Variants in PDE4D observed in about 807,000 individuals in gnomAD.
PDE4D encodes the protein 3',5'-cyclic-AMP phosphodiesterase 4D.
Under a neutral mutation model 87.4 loss-of-function variants are expected in PDE4D, and 24 were observed. The ratio of observed to expected loss-of-function variants is 0.27; its 90% CI spans 0.20 to 0.39. PDE4D has a LOEUF of 0.39. Ranked by LOEUF, PDE4D falls within the 10% of genes least tolerant of loss-of-function variation. PDE4D has a pLI of 1.00. For missense variants in PDE4D, 714 were observed against 1,041.0 expected (o/e 0.69, Z 4.32); for synonymous variants, 384 against 383.2 (o/e 1.00, Z -0.02).
intron 1 of PDE4D, among the ~76,000 whole-genome samples, chr5:60,392,246 C>A (rs1204440963): frequency 6.6e-6 from 1 of 152,190 alleles, no homozygotes; most frequent in Non-Finnish European, 1.5e-5. Context: ...TTATCACTTG[C>A]AAGTTTGAAC....
intron 1 of PDE4D, among the ~76,000 whole-genome samples, chr5:59,613,744 C>T (rs1049139661): frequency 6.6e-6 from 1 of 152,098 alleles, no homozygotes; most frequent in Non-Finnish European, 1.5e-5. Flanking sequence ...CATGCCTTGA[C>T]TTACACATAG....
chr5:60,157,712 G>A (rs899347787), intron 2 of PDE4D, among the ~76,000 whole-genome samples: 7 of 152,094 alleles, frequency 4.6e-5, no homozygotes, highest in African/African-American at 1.4e-4. Context: ...TAGATTTCAT[G>A]GTCTTTCTTC....
intron 1 of PDE4D, among the ~76,000 whole-genome samples, chr5:59,846,222 A>G (rs1238633421): frequency 1.3e-5 from 2 of 152,072 alleles, no homozygotes; most frequent in Admixed American, 1.3e-4. Context: ...CACACTGAAA[A>G]GGTTAGCATT....
intron 1 of PDE4D, among the ~76,000 whole-genome samples, chr5:59,249,853 G>T (rs534349318): frequency 1.3e-5 from 2 of 152,080 alleles, no homozygotes; most frequent in African/African-American, 4.8e-5. Context: ...TATTGTGTGT[G>T]TGTGTATATG....
intron 1 of PDE4D, among the ~76,000 whole-genome samples, chr5:59,693,924 T>C (rs535140313): frequency 6.6e-6 from 1 of 152,188 alleles, no homozygotes; most frequent in East Asian, 1.9e-4. Flanking sequence ...AGAGAAAATA[T>C]TATGAAAATA....
intron 5 of PDE4D, among the ~76,000 whole-genome samples, chr5:59,113,049 C>T (rs973805726): frequency 1.3e-5 from 2 of 152,040 alleles, no homozygotes; most frequent in African/African-American, 2.4e-5. Flanking sequence ...GATCCAACCG[C>T]CTTGGCCTCC....
At chr5:59,199,088 T>G (rs1746139425) in intron 2 of PDE4D, among the ~76,000 whole-genome samples, 1 of 152,178 alleles carries the variant, frequency 6.6e-6, no homozygotes, top group Non-Finnish European at 1.5e-5. Context: ...AAGAAAGTTT[T>G]TACTTTATGG....
chr5:59,341,598 G>A (rs1347645802), intron 1 of PDE4D, among the ~76,000 whole-genome samples: 2 of 152,016 alleles, frequency 1.3e-5, no homozygotes, highest in East Asian at 1.9e-4. Context: ...CAATTTTCTT[G>A]GCAAAGGTAT....
At chr5:59,360,962 TAA>T (rs1240517981) in intron 1 of PDE4D, among the ~76,000 whole-genome samples, 7 of 152,280 alleles carry the variant, frequency 4.6e-5, no homozygotes, top group African/African-American at 1.4e-4. Context: ...AAACAATCAA[TAA>T]GAGGCATGCT....
intron 2 of PDE4D, among the ~76,000 whole-genome samples, chr5:60,146,458 A>C (rs553370184): frequency 9.1e-4 from 139 of 152,352 alleles, no homozygotes; most frequent in Non-Finnish European, 1.6e-3. Flanking sequence ...TATCAAGACC[A>C]GCTCATTGGA....
intron 2 of PDE4D, among the ~76,000 whole-genome samples, chr5:60,168,658 T>C (rs964199183): frequency 4.6e-5 from 7 of 152,212 alleles, no homozygotes; most frequent in Non-Finnish European, 1.0e-4. Context: ...CATCCTCTTG[T>C]GTACTTTAAA....
rs568175408 is a variant in PDE4D at position 59,448,283 on chromosome 5, A to G, written c.456-232315T>C. On this transcript the variant is annotated intron_variant, in intron 1 of 14. Coordinates refer to ENST00000340635, the MANE Select transcript of PDE4D (RefSeq NM_001104631.2). Reference sequence around the variant, plus strand: ...GGGACTCTCCATGCCATGCCCCAATATTCCCTCAACCACACTGATGAGGAG... The same window carrying G: ...GGGACTCTCCATGCCATGCCCCAATGTTCCCTCAACCACACTGATGAGGAG... Among the ~76,000 whole-genome samples, 71 of 152,264 alleles carry G rather than the reference A, an allele frequency of 4.7e-4. No individual in the cohort carries two copies. The Middle Eastern group carries it at 0.01, about 22-fold the overall frequency.
chr5:59,545,894 G>A (rs1031974034), intron 1 of PDE4D, among the ~76,000 whole-genome samples: 1 of 152,174 alleles, frequency 6.6e-6, no homozygotes, highest in African/African-American at 2.4e-5. Flanking sequence ...CACAAAACCT[G>A]AGGATTTTAC....
chr5:60,403,978 A>C (rs1741307164), intron 1 of PDE4D, among the ~76,000 whole-genome samples: 1 of 152,218 alleles, frequency 6.6e-6, no homozygotes, highest in African/African-American at 2.4e-5. Context: ...AACAAATGCC[A>C]ATATTTTATA....
intron 1 of PDE4D, among the ~76,000 whole-genome samples, chr5:59,574,084 TTA>T (rs1172030033): frequency 1.5e-4 from 17 of 109,774 alleles, no homozygotes; most frequent in Admixed American, 3.1e-4. Context: ...ATATATATAT[TTA>T]TATATATAAA....
intron 1 of PDE4D, among the ~76,000 whole-genome samples, chr5:59,745,769 A>G (rs188673238): frequency 6.2e-4 from 94 of 152,292 alleles, no homozygotes; most frequent in African/African-American, 9.4e-4. Context: ...AAGAAAGAAA[A>G]AAATGTTTGC....
chr5:60,246,433 T>A (rs1042404895), intron 1 of PDE4D, among the ~76,000 whole-genome samples: 5 of 151,762 alleles, frequency 3.3e-5, no homozygotes, highest in African/African-American at 1.2e-4. Flanking sequence ...ATATATTGAA[T>A]CTTATGCTCT....
At chr5:59,188,622 T>G (rs1348950796) in intron 3 of PDE4D, among the ~76,000 whole-genome samples, 1 of 152,136 alleles carries the variant, frequency 6.6e-6, no homozygotes, top group Non-Finnish European at 1.5e-5. Context: ...TACCACTAGA[T>G]GGCGGTAAAA....
chr5:59,889,663 G>A (rs981366243), intron 1 of PDE4D, among the ~76,000 whole-genome samples: 83 of 152,150 alleles, frequency 5.5e-4, no homozygotes, highest in African/African-American at 2.0e-3. Flanking sequence ...ATATTTTGTT[G>A]TGTAAAGTCA....
Sources: gnomAD v4.1 joint callset for allele counts (sites outside exome capture counted in the v4.1 genomes callset) on GRCh38, gnomAD v4.1.1 for gene constraint, MANE v1.5 for transcripts, NCBI Gene and HGNC (gene_info 2026-07-23, HGNC 2026-07-21) for gene names.